Variants in MRGPRX1 observed in about 807,000 individuals in gnomAD.
MRGPRX1 encodes the protein mas-related G protein-coupled receptor member X1.
For synonymous variants in MRGPRX1, 208 were observed against 170.4 expected, an observed-to-expected ratio of 1.22 and a Z score of -1.72; for missense variants, 411 against 393.8, an observed-to-expected ratio of 1.04 and a Z score of -0.37.
At chr11:18,939,060 G>T (rs764210403) in intron 1 of MRGPRX1, among the ~76,000 whole-genome samples, 11 of 151,590 alleles carry the variant, frequency 7.3e-5, no homozygotes, top group East Asian at 3.9e-4. Flanking sequence ...ATTGGAATAA[G>T]GGAGGTGATA....
At chr11:18,938,142 A>C (rs1470688558) in intron 1 of MRGPRX1, among the ~76,000 whole-genome samples, 1 of 151,564 alleles carries the variant, frequency 6.6e-6, no homozygotes, top group Non-Finnish European at 1.5e-5. Flanking sequence ...CCTGGATGAG[A>C]CTGGAAGACA....
At chr11:18,938,638 C>T (rs1848859426) in intron 1 of MRGPRX1, among the ~76,000 whole-genome samples, 1 of 151,496 alleles carries the variant, frequency 6.6e-6, no homozygotes, top group Admixed American at 6.6e-5. Flanking sequence ...GTTGGCCGTG[C>T]AAGGCTTCTC....
chr11:18,937,621 C>G (rs117185112), intron 1 of MRGPRX1, among the ~76,000 whole-genome samples: 1 of 151,500 alleles, frequency 6.6e-6, no homozygotes, highest in East Asian at 1.9e-4. Context: ...TGTACCTGTT[C>G]AGTACATGCA....
In MRGPRX1 at chr11:18,937,387, G is replaced by A. The variant is rs773465868; in HGVS notation, c.-26+1893C>T. ...TTTCTGGATATTCACAGGGGCTTTC[G>A]CATATGGCAGATGTGTGTGCTGCTA... On this transcript the variant is annotated intron_variant, in intron 1 of 1. Transcript: ENST00000526914. Among the ~76,000 whole-genome samples, 8 of 151,268 alleles carry A rather than the reference G, an allele frequency of 5.3e-5. 1 individual carries two copies. Among genetic ancestry groups the A allele is most frequent in the South Asian group, 4.2e-4 (2 of 4,752 alleles).
In MRGPRX1 at chr11:18,934,199, G is replaced by C. The variant is rs371668992; in HGVS notation, c.586C>G (p.Leu196Val). 1.5e-5 allele frequency: 24 copies of C among 1,610,398 alleles called. No individual in the cohort carries two copies. The highest frequency in any genetic ancestry group is 2.0e-5 in the Non-Finnish European group (23 of 1,178,084). Residue 196 changes from leucine (L) to valine (V), a missense_variant, in exon 2 of 2, where the codon CTG becomes GTG. By Grantham distance (32) the Leu-to-Val change is conservative (BLOSUM62 1). Transcript: ENST00000526914. ...FLCVVLCGSS[L>V]VLLIRILCGS... ...CAGAGAATCCTGATCAGCAGGACCAGGCTGGACCCACAGAGAACCACACAT... is the reference window on the plus strand; with the variant it reads ...CAGAGAATCCTGATCAGCAGGACCACGCTGGACCCACAGAGAACCACACAT...
rs899397930 is a variant in MRGPRX1, at chr11:18,935,092, A to G, written c.-25-283T>C. 129 of 299,348 alleles carry G rather than the reference A, an allele frequency of 4.3e-4. 1 individual carries two copies. Among genetic ancestry groups the G allele is most frequent in the Non-Finnish European group, 7.0e-4 (113 of 160,902 alleles). The allele number at this position is 299,348 out of a possible 1,614,324, so 18.5% of individuals were successfully genotyped here. Reference sequence around the variant, plus strand: ...TCATCTAGCCAGGGCTGTGGACCCGATGATTACTCTATCCTGGGCCTGAAA... The same window carrying G: ...TCATCTAGCCAGGGCTGTGGACCCGGTGATTACTCTATCCTGGGCCTGAAA... On this transcript the variant is annotated intron_variant, in intron 1 of 1. Coordinates refer to ENST00000526914, the MANE Select transcript of MRGPRX1 (RefSeq NM_001393578.1).
chr11:18,935,583 C>T lies in MRGPRX1; in HGVS notation c.-25-774G>A, dbSNP rs1419706507. Among the ~76,000 whole-genome samples the T allele has an allele frequency of 2.6e-5, 4 of 151,616 alleles. No individual in the cohort carries two copies. The South Asian group carries it at 8.4e-4, about 32-fold the overall frequency. ...AAGAATGATTGATGAGTGCCCAAAA[C>T]CTGAAATTGACCACTGATGTGCCTT... is the stretch of plus-strand genomic sequence containing the variant. On this transcript the variant is annotated intron_variant, in intron 1 of 1. Coordinates refer to ENST00000526914, the MANE Select transcript of MRGPRX1 (RefSeq NM_001393578.1).
chr11:18,938,074 A>G (rs1361629282), intron 1 of MRGPRX1, among the ~76,000 whole-genome samples: 1 of 151,478 alleles, frequency 6.6e-6, no homozygotes, highest in Non-Finnish European at 1.5e-5. Context: ...TCTATGCACC[A>G]CATCAGTGGG....
At chr11:18,939,070 A>C (rs1252523930) in intron 1 of MRGPRX1, among the ~76,000 whole-genome samples, 1 of 151,426 alleles carries the variant, frequency 6.6e-6, no homozygotes, top group Non-Finnish European at 1.5e-5. Context: ...GGGAGGTGAT[A>C]TGGACAGATA....
In MRGPRX1 at chr11:18,934,086, G is replaced by T; in HGVS notation, c.699C>A (p.Gly233=). 1 of 1,610,892 alleles carries T rather than the reference G, an allele frequency of 6.2e-7. No homozygotes were observed. Among genetic ancestry groups the T allele is most frequent in the South Asian group, 1.1e-5 (1 of 90,790 alleles). ...LVFLLCGLPF[G]IQFFLFLWIH... is the part of the protein sequence containing the mutation. Reference sequence around the variant, plus strand: ...TCCATAAAAATAGGAAAAACTGAATGCCAAAGGGCAGGCCACAGAGGAGGA... The same window carrying T: ...TCCATAAAAATAGGAAAAACTGAATTCCAAAGGGCAGGCCACAGAGGAGGA... The change falls in exon 2 of 2, where the codon GGC becomes GGA. Residue 233 remains glycine (G), a synonymous_variant. Coordinates refer to ENST00000526914, the MANE Select transcript of MRGPRX1 (RefSeq NM_001393578.1).
chr11:18,937,797 A>G (rs1365432150), intron 1 of MRGPRX1, among the ~76,000 whole-genome samples: 1 of 151,554 alleles, frequency 6.6e-6, no homozygotes, highest in Non-Finnish European at 1.5e-5. Flanking sequence ...AACAAAAGAA[A>G]TATGTTCTCT....
chr11:18,934,307 A>G lies in MRGPRX1; in HGVS notation c.478T>C (p.Leu160=). 1 of 1,610,732 alleles carries G rather than the reference A, an allele frequency of 6.2e-7. No homozygotes were observed. The change falls in exon 2 of 2, where the codon TTA becomes CTA. Residue 160 remains leucine (L), a synonymous_variant. Transcript: ENST00000526914. ...SLLRSILEWM[L]CGFLFSGADS... ...GCACCACTGAACAGGAAGCCACATAACATCCACTCCAGGATGCTCCGCAGC... is the reference window on the plus strand; with the variant it reads ...GCACCACTGAACAGGAAGCCACATAGCATCCACTCCAGGATGCTCCGCAGC...
chr11:18,934,366 G>A lies in MRGPRX1; in HGVS notation c.419C>T (p.Ala140Val), dbSNP rs1255784076. Reference protein sequence around the residue: ...YRCHRPTHLSAVVCVLLWALS... With the variant: ...YRCHRPTHLSVVVCVLLWALS... Reference sequence around the variant, plus strand: ...GGCCCAGAGCAGGACACACACCACCGCTGACAGGTGTGTGGGGCGGTGGCA... The same window carrying A: ...GGCCCAGAGCAGGACACACACCACCACTGACAGGTGTGTGGGGCGGTGGCA... The change falls in exon 2 of 2, where the codon GCG becomes GTG. Residue 140 changes from alanine to valine, a missense_variant. Coordinates refer to ENST00000526914, the MANE Select transcript of MRGPRX1 (RefSeq NM_001393578.1). The A allele has an allele frequency of 1.1e-5, 18 of 1,610,670 alleles. No individual in the cohort carries two copies. The highest frequency in any genetic ancestry group is 3.4e-5 in the Admixed American group (2 of 59,418).
At position 18,934,824 on chromosome 11, in the gene MRGPRX1, C is replaced by T. The variant is rs776169844; in HGVS notation, c.-25-15G>A. The T allele has an allele frequency of 6.6e-7, 1 of 1,525,206 alleles. No individual in the cohort carries two copies. Among genetic ancestry groups the T allele is most frequent in the Admixed American group, 2.1e-5 (1 of 47,030 alleles). 94.5% of individuals were successfully genotyped at this position (1,525,206 alleles called of 1,614,324 possible). ...GTCTGGTGACCCTGGAAACAGAAAC[C>T]AGTTGTGATCACCAGCTGTATGATC... is the stretch of plus-strand genomic sequence containing the variant. On this transcript the variant is annotated splice_polypyrimidine_tract_variant and intron_variant, in intron 1 of 1. Transcript: ENST00000526914.
rs756868732 is a variant in MRGPRX1 at position 18,934,416 on chromosome 11, G to A, written c.369C>T (p.Ser123=). 13 of 1,610,790 alleles carry A rather than the reference G, an allele frequency of 8.1e-6. No homozygotes were observed. Among genetic ancestry groups the A allele is most frequent in the East Asian group, 2.2e-5 (1 of 44,804 alleles). The part of the protein sequence containing the change: ...LSAVSTERCL[S]VLWPIWYRCH... ...AGCGGTACCAGATGGGCCACAGGAC[G>A]GACAGGCAGCGCTCGGTGCTCACGG... The change falls in exon 2 of 2, where the codon TCC becomes TCT. Residue 123 remains serine, a synonymous_variant. Transcript: ENST00000526914.
At chr11:18,937,216 T>C (rs1471606783) in intron 1 of MRGPRX1, among the ~76,000 whole-genome samples, 1 of 151,304 alleles carries the variant, frequency 6.6e-6, no homozygotes, top group Non-Finnish European at 1.5e-5. Flanking sequence ...TTATTTTTTT[T>C]CCATCATGCT....
chr11:18,934,906 A>C (rs1456599298), intron 1 of MRGPRX1, 97 bp from the exon 2 acceptor site: 2 of 1,319,108 alleles, frequency 1.5e-6, no homozygotes, highest in African/African-American at 1.5e-5. Flanking sequence ...TAAAGAGGGC[A>C]GATCAGAGAC....
intron 1 of MRGPRX1, among the ~76,000 whole-genome samples, chr11:18,937,742 A>G (rs1041672963): frequency 6.6e-6 from 1 of 151,478 alleles, no homozygotes; most frequent in African/African-American, 2.4e-5. Flanking sequence ...TATTTAAGAT[A>G]TTTCTACTTT....
rs1168611432 is a variant in MRGPRX1 at position 18,939,342 on chromosome 11, T to C, written c.-88A>G. On this transcript the variant is annotated 5_prime_UTR_variant, in exon 1 of 2. Transcript: ENST00000526914. ...CCCTTGTGCTAAAGGTGGAGGGCCT[T>C]TCTGGGATTCAGTGACTTCAGAGAA... 2 of 151,790 alleles carry C rather than the reference T, an allele frequency of 1.3e-5. No homozygotes were observed. The highest frequency in any genetic ancestry group is 2.4e-5 in the African/African-American group (1 of 41,330). The allele number at this position is 151,790 out of a possible 1,614,324, so 9.4% of individuals were successfully genotyped here.
Sources: gnomAD v4.1 joint callset for allele counts (sites outside exome capture counted in the v4.1 genomes callset) on GRCh38, gnomAD v4.1.1 for gene constraint, MANE v1.5 for transcripts, NCBI Gene and HGNC (gene_info 2026-07-23, HGNC 2026-07-21) for gene names.